CCDC12: variants seen among roughly 807,000 people sequenced by gnomAD.
CCDC12 encodes coiled-coil domain-containing protein 12.
In CCDC12, 28 loss-of-function variants were observed where a neutral mutation model predicts 25.7. The observed-to-expected ratio is 1.09, with a 90% confidence interval of 0.81 to 1.50. The LOEUF is 1.50. CCDC12 is among the 40% of genes most tolerant of loss of function. The pLI, the probability that CCDC12 is intolerant of heterozygous loss-of-function variation, is 0.00. For missense variants in CCDC12, 198 were observed against 210.0 expected, an observed-to-expected ratio of 0.94 and a Z score of 0.35; for synonymous variants, 75 against 87.7, an observed-to-expected ratio of 0.86 and a Z score of 0.81.
chr3:46,942,972 G>A (rs2033768207), intron 1 of CCDC12, among the ~76,000 whole-genome samples: 1 of 152,122 alleles, frequency 6.6e-6, no homozygotes, highest in Non-Finnish European at 1.5e-5. Flanking sequence ...TGGGGGAGGG[G>A]GTGACAATGA....
intron 1 of CCDC12, among the ~76,000 whole-genome samples, chr3:46,966,888 G>A (rs1017150986): frequency 2.6e-5 from 4 of 152,094 alleles, no homozygotes; most frequent in East Asian, 1.9e-4. Flanking sequence ...CCCAGTCTTC[G>A]CCTGGCTTCT....
At chr3:46,932,930 C>T (rs2033289374) in intron 2 of CCDC12, among the ~76,000 whole-genome samples, 1 of 152,232 alleles carries the variant, frequency 6.6e-6, no homozygotes, top group Non-Finnish European at 1.5e-5. Context: ...ATCCAAGGTG[C>T]CAGAGTTGAA....
intron 1 of CCDC12, among the ~76,000 whole-genome samples, chr3:46,973,019 GAC>G (rs2034851780): frequency 6.6e-6 from 1 of 150,958 alleles, no homozygotes; most frequent in East Asian, 1.9e-4. Context: ...ACAGATTTGA[GAC>G]TGATCTCCCT....
At chr3:46,941,616 G>T (rs946739808) in intron 1 of CCDC12, among the ~76,000 whole-genome samples, 15 of 151,852 alleles carry the variant, frequency 9.9e-5, no homozygotes, top group Non-Finnish European at 1.9e-4. Context: ...CCAGTCCCAG[G>T]TACCTGGTAG....
At chr3:46,970,710 G>C (rs2034779563) in intron 1 of CCDC12, among the ~76,000 whole-genome samples, 1 of 152,234 alleles carries the variant, frequency 6.6e-6, no homozygotes, top group Non-Finnish European at 1.5e-5. Flanking sequence ...AGCTTGGCAT[G>C]TTTATGCCAA....
At chr3:46,979,786 G>A (rs886058588), upstream of CCDC12, 36 of 378,182 alleles carry the variant, frequency 9.5e-5, no homozygotes, top group Non-Finnish European at 2.3e-5. Flanking sequence ...CATGGGCCTG[G>A]CCGAGGGCAA....
intron 1 of CCDC12, among the ~76,000 whole-genome samples, chr3:46,970,658 G>C (rs2034777468): frequency 6.6e-6 from 1 of 152,230 alleles, no homozygotes. Context: ...CCCTGTCTCA[G>C]AGCAGCAAGA....
intron 1 of CCDC12, among the ~76,000 whole-genome samples, chr3:46,973,345 C>T (rs1179084508): frequency 7.5e-6 from 1 of 132,968 alleles, no homozygotes; most frequent in East Asian, 2.2e-4. Flanking sequence ...AAGAGCGAAG[C>T]TCCATCTCAA....
At chr3:46,964,436 C>A (rs1032416760) in intron 1 of CCDC12, among the ~76,000 whole-genome samples, 8 of 152,262 alleles carry the variant, frequency 5.3e-5, no homozygotes, top group Non-Finnish European at 1.2e-4. Flanking sequence ...CCGGCCACCA[C>A]CCGTCTGGGA....
chr3:46,978,399 A>T (rs1441293864), upstream of CCDC12, among the ~76,000 whole-genome samples: 1 of 152,164 alleles, frequency 6.6e-6, no homozygotes, highest in African/African-American at 2.4e-5. Context: ...AAGGTCTAGG[A>T]GTCTCCAGAC....
intron 5 of CCDC12, chr3:46,923,002 C>T (rs149410049): frequency 3.9e-4 from 102 of 263,092 alleles, no homozygotes; most frequent in African/African-American, 2.1e-3. Flanking sequence ...ACTGTGTCTG[C>T]CCTTCCCTCC....
At chr3:46,955,927 GCCC>G (rs1259323464) in intron 1 of CCDC12, among the ~76,000 whole-genome samples, 1 of 152,150 alleles carries the variant, frequency 6.6e-6, no homozygotes, top group African/African-American at 2.4e-5. Flanking sequence ...AGGGCCTCTG[GCCC>G]CCACCAATAC....
At chr3:46,979,920 CG>C, upstream of CCDC12, 1 of 386,914 alleles carries the variant, frequency 2.6e-6, no homozygotes, top group Admixed American at 4.3e-5. Context: ...CAGGTGAGCC[CG>C]CCCCGCCCCG....
chr3:46,976,770 A>C (rs773049792), upstream of CCDC12: 2 of 1,574,580 alleles, frequency 1.3e-6, no homozygotes, highest in African/African-American at 1.4e-5. Context: ...CCCGTCTTGC[A>C]TCGCGCAGGC....
upstream of CCDC12, among the ~76,000 whole-genome samples, chr3:46,981,700 A>C (rs1337669019): frequency 6.6e-6 from 1 of 152,130 alleles, no homozygotes; most frequent in Non-Finnish European, 1.5e-5. Context: ...GTGCATGGGC[A>C]GGTAAAGGGG....
At chr3:46,964,661 C>T (rs2034586564) in intron 1 of CCDC12, among the ~76,000 whole-genome samples, 1 of 152,160 alleles carries the variant, frequency 6.6e-6, no homozygotes, top group Admixed American at 6.5e-5. Context: ...CCCCCAACCC[C>T]ATGCTCTCTG....
At chr3:46,942,196 C>CGGCA (rs2033735652) in intron 1 of CCDC12, among the ~76,000 whole-genome samples, 1 of 152,244 alleles carries the variant, frequency 6.6e-6, no homozygotes, top group Non-Finnish European at 1.5e-5. Flanking sequence ...TTAGGTCAGC[C>CGGCA]TGCCTGTGGA....
upstream of CCDC12, chr3:46,979,681 C>A: frequency 3.2e-6 from 1 of 316,564 alleles, no homozygotes; most frequent in Non-Finnish European, 5.8e-6. Context: ...GGAGGAGGAG[C>A]GAGCAGACTT....
intron 2 of CCDC12, among the ~76,000 whole-genome samples, chr3:46,931,641 C>T (rs960058234): frequency 6.7e-6 from 1 of 149,196 alleles, no homozygotes; most frequent in African/African-American, 2.4e-5. Context: ...AAGGACAGGA[C>T]AGTCCCACAT....
Sources: allele counts gnomAD v4.1 joint callset (sites outside exome capture counted in the v4.1 genomes callset), GRCh38; gene constraint gnomAD v4.1.1; transcripts MANE v1.5; gene names NCBI Gene and HGNC (gene_info 2026-07-23, HGNC 2026-07-21).